Variants in CDH12 observed in about 807,000 individuals in gnomAD.
The protein encoded by CDH12 is cadherin 12, also known as cadherin-12.
In CDH12, 41 loss-of-function variants were observed where a neutral mutation model predicts 74.1. The ratio of observed to expected loss-of-function variants is 0.55; its 90% CI spans 0.43 to 0.72. The LOEUF (loss-of-function observed/expected upper bound fraction) is 0.72. Among genes scored for constraint, CDH12 ranks in the 30% least tolerant of loss-of-function variants. The pLI, the probability that CDH12 is intolerant of heterozygous loss-of-function variation, is 0.00. For synonymous variants in CDH12, 399 were observed against 355.0 expected (o/e 1.12, Z -1.39); for missense variants, 945 against 977.2 (o/e 0.97, Z 0.44).
At chr5:22,826,315 T>C (rs546873754) in intron 1 of CDH12, among the ~76,000 whole-genome samples, 35 of 152,300 alleles carry the variant, frequency 2.3e-4, no homozygotes, top group Admixed American at 2.3e-3. Flanking sequence ...TCCACCATGA[T>C]TTTGAGCCAC....
At chr5:21,767,691 A>ATCTT (rs1336435024) in intron 11 of CDH12, among the ~76,000 whole-genome samples, 2 of 151,746 alleles carry the variant, frequency 1.3e-5, no homozygotes, top group African/African-American at 4.8e-5. Context: ...AGATGTTTAC[A>ATCTT]TTGTTGAAAA....
intron 3 of CDH12, among the ~76,000 whole-genome samples, chr5:22,277,545 A>G (rs1561276565): frequency 6.6e-6 from 1 of 152,088 alleles, no homozygotes; most frequent in Non-Finnish European, 1.5e-5. Context: ...TTAAAAAAAA[A>G]CAACAGGCCA....
At chr5:22,408,513 A>T (rs773250916) in intron 2 of CDH12, among the ~76,000 whole-genome samples, 1 of 151,680 alleles carries the variant, frequency 6.6e-6, no homozygotes, top group African/African-American at 2.4e-5. Context: ...GGAAACTTCA[A>T]CTCACTGCCA....
intron 6 of CDH12, among the ~76,000 whole-genome samples, chr5:21,902,418 C>G (rs533129158): frequency 1.3e-5 from 2 of 152,000 alleles, no homozygotes; most frequent in African/African-American, 4.8e-5. Context: ...GGATTAAGTA[C>G]CATGCAGAGA....
intron 3 of CDH12, among the ~76,000 whole-genome samples, chr5:22,348,486 T>C (rs991851503): frequency 6.6e-6 from 1 of 152,214 alleles, no homozygotes; most frequent in Non-Finnish European, 1.5e-5. Context: ...CTCAGAAATG[T>C]ATTTTTAAAG....
In CDH12 at chr5:22,024,663, C is replaced by T. The variant is rs531079527; in HGVS notation, c.232-49278G>A. On this transcript the variant is annotated intron_variant, in intron 5 of 14. Transcript: ENST00000382254. ...AGGTAGCTGGGATTACAGGCACATGCTACCATGCCTGGCTAATTTTTTTGT... is the reference window on the plus strand; with the variant it reads ...AGGTAGCTGGGATTACAGGCACATGTTACCATGCCTGGCTAATTTTTTTGT... Among the ~76,000 whole-genome samples, 4 of 152,268 alleles carry T rather than the reference C, an allele frequency of 2.6e-5. No individual in the cohort carries two copies. In the South Asian group the frequency reaches 8.3e-4, roughly 32 times the overall value.
intron 5 of CDH12, among the ~76,000 whole-genome samples, chr5:22,073,335 C>T (rs940825051): frequency 4.6e-5 from 7 of 152,160 alleles, no homozygotes; most frequent in Non-Finnish European, 1.0e-4. Flanking sequence ...AATTATTCTT[C>T]GGGGATAAAA....
chr5:22,233,387 C>A (rs942446578), intron 3 of CDH12, among the ~76,000 whole-genome samples: 4 of 151,722 alleles, frequency 2.6e-5, no homozygotes, highest in African/African-American at 9.7e-5. Flanking sequence ...GATTTAGGTA[C>A]CATGGAGGAT....
At chr5:22,562,866 AT>A (rs1432703656) in intron 1 of CDH12, among the ~76,000 whole-genome samples, 1 of 146,232 alleles carries the variant, frequency 6.8e-6, no homozygotes, top group East Asian at 2.0e-4. Flanking sequence ...TAGTCTATAT[AT>A]TTTTATAAAT....
At chr5:22,044,701 A>T (rs1190678605) in intron 5 of CDH12, among the ~76,000 whole-genome samples, 5 of 152,210 alleles carry the variant, frequency 3.3e-5, no homozygotes, top group Non-Finnish European at 7.3e-5. Flanking sequence ...CCAAAAACAC[A>T]CATTGCAGAA....
chr5:22,612,853 C>A (rs938022620), intron 1 of CDH12, among the ~76,000 whole-genome samples: 1 of 152,072 alleles, frequency 6.6e-6, no homozygotes, highest in Non-Finnish European at 1.5e-5. Context: ...TCAACCCTAA[C>A]ATAGTTCCTA....
At chr5:22,421,440 T>C (rs1308747707) in intron 2 of CDH12, among the ~76,000 whole-genome samples, 1 of 152,176 alleles carries the variant, frequency 6.6e-6, no homozygotes, top group African/African-American at 2.4e-5. Context: ...ATGCGGTGTT[T>C]GGTTTTCTGT....
chr5:22,247,333 A>G (rs1251705017), intron 3 of CDH12, among the ~76,000 whole-genome samples: 3 of 152,064 alleles, frequency 2.0e-5, no homozygotes, highest in Non-Finnish European at 2.9e-5. Flanking sequence ...AAGCTTCATC[A>G]TGCTTCACGT....
intron 2 of CDH12, among the ~76,000 whole-genome samples, chr5:22,418,050 C>G (rs1240792938): frequency 1.3e-5 from 2 of 152,256 alleles, no homozygotes; most frequent in Non-Finnish European, 2.9e-5. Context: ...GCAGTATGGC[C>G]ATTTTCACAA....
intron 1 of CDH12, among the ~76,000 whole-genome samples, chr5:22,698,788 A>G (rs1441789012): frequency 7.1e-6 from 1 of 140,938 alleles, no homozygotes; most frequent in Non-Finnish European, 1.5e-5. Context: ...AAGAGAAGAT[A>G]ATTTGACAAT....
At chr5:22,268,664 T>C (rs1010534325) in intron 3 of CDH12, among the ~76,000 whole-genome samples, 2 of 152,142 alleles carry the variant, frequency 1.3e-5, no homozygotes, top group Non-Finnish European at 2.9e-5. Context: ...CTACACTGTG[T>C]ATTCCTTTTA....
chr5:22,402,392 A>G (rs1274552336), intron 3 of CDH12, among the ~76,000 whole-genome samples: 1 of 152,200 alleles, frequency 6.6e-6, no homozygotes, highest in Non-Finnish European at 1.5e-5. Flanking sequence ...AAAATGAAGA[A>G]CAAGTTATTG....
intron 2 of CDH12, among the ~76,000 whole-genome samples, chr5:22,429,881 T>C (rs1346337155): frequency 1.3e-5 from 2 of 152,174 alleles, no homozygotes; most frequent in Non-Finnish European, 2.9e-5. Context: ...TTCAAAGTCA[T>C]AGCATCTTTG....
intron 10 of CDH12, among the ~76,000 whole-genome samples, chr5:21,797,118 A>T (rs1411612872): frequency 6.6e-6 from 1 of 152,018 alleles, no homozygotes; most frequent in East Asian, 1.9e-4. Flanking sequence ...GAAACCTGAG[A>T]GAACCTTTCT....
Sources: gnomAD v4.1 joint callset for allele counts (sites outside exome capture counted in the v4.1 genomes callset) on GRCh38, gnomAD v4.1.1 for gene constraint, MANE v1.5 for transcripts, NCBI Gene and HGNC (gene_info 2026-07-23, HGNC 2026-07-21) for gene names.